Variants in KCNB2 observed in about 807,000 individuals in gnomAD.
KCNB2 encodes the protein delayed rectifier potassium channel protein.
Under a neutral mutation model 61.5 loss-of-function variants are expected in KCNB2, and 15 were observed. That is an observed-to-expected ratio of 0.24 (90% CI 0.16 to 0.38). KCNB2 has a LOEUF of 0.38. KCNB2 is among the 10% of genes least tolerant of loss of function. The pLI, the probability that KCNB2 is intolerant of heterozygous loss-of-function variation, is 1.00. For synonymous variants in KCNB2, 457 were observed against 446.0 expected (o/e 1.02, Z -0.31); for missense variants, 828 against 1,125.2 (o/e 0.74, Z 3.78).
chr8:72,923,436 T>C (rs1431673197), intron 2 of KCNB2, among the ~76,000 whole-genome samples: 1 of 152,206 alleles, frequency 6.6e-6, no homozygotes, highest in Non-Finnish European at 1.5e-5. Flanking sequence ...GTCATGTTGG[T>C]ATCTTACTGC....
chr8:72,905,384 G>A (rs112225659), intron 2 of KCNB2, among the ~76,000 whole-genome samples: 1,656 of 152,202 alleles, frequency 0.011, 24 homozygotes, highest in African/African-American at 0.037. Context: ...GGAACTTAAG[G>A]AAAGACACTT....
chr8:72,552,357 A>G (rs558367152), intron 1 of KCNB2, among the ~76,000 whole-genome samples: 2 of 152,330 alleles, frequency 1.3e-5, no homozygotes, highest in Middle Eastern at 3.4e-3. Context: ...GAAATGTTCT[A>G]TATTGGTGCT....
chr8:72,906,310 C>A (rs1806176045), intron 2 of KCNB2, among the ~76,000 whole-genome samples: 1 of 152,176 alleles, frequency 6.6e-6, no homozygotes, highest in South Asian at 2.1e-4. Context: ...GCCAATGAAT[C>A]TTTTGCTTTT....
rs547051917 is a variant in KCNB2 at position 72,683,129 on chromosome 8, T to C, written c.579+114816T>C. ...TTTATCCTGGCATAATGAAAGAACT[T>C]TCTTATTCTTTCCTATGTAATGTCA... On this transcript the variant is annotated intron_variant, in intron 2 of 2. Transcript: ENST00000523207. 3.3e-5 allele frequency among the ~76,000 whole-genome samples: 5 copies of C among 152,330 alleles called. No individual in the cohort carries two copies. The South Asian group carries it at 1.0e-3, about 32-fold the overall frequency.
intron 2 of KCNB2, among the ~76,000 whole-genome samples, chr8:72,885,137 T>C (rs1010640520): frequency 6.6e-6 from 1 of 152,128 alleles, no homozygotes; most frequent in Non-Finnish European, 1.5e-5. Flanking sequence ...CTTTATAGTA[T>C]ATTCATTAAT....
chr8:72,872,786 A>G (rs560842806), intron 2 of KCNB2, among the ~76,000 whole-genome samples: 1 of 152,318 alleles, frequency 6.6e-6, no homozygotes, highest in South Asian at 2.1e-4. Context: ...TCAAGAAGAA[A>G]AGTAAGTTCT....
intron 2 of KCNB2, among the ~76,000 whole-genome samples, chr8:72,710,847 G>T (rs1807314415): frequency 6.6e-6 from 1 of 152,276 alleles, no homozygotes; most frequent in Admixed American, 6.5e-5. Flanking sequence ...TCCTCAATGG[G>T]AAACAATGGA....
intron 2 of KCNB2, among the ~76,000 whole-genome samples, chr8:72,605,934 GA>G (rs1055755661): frequency 1.3e-5 from 2 of 150,754 alleles, no homozygotes; most frequent in Non-Finnish European, 3.0e-5. Flanking sequence ...CCCAGCAATT[GA>G]AAAAAAAGAC....
intron 2 of KCNB2, among the ~76,000 whole-genome samples, chr8:72,837,017 A>G (rs898867086): frequency 2.0e-5 from 3 of 152,204 alleles, no homozygotes; most frequent in East Asian, 1.9e-4. Context: ...GGGTACCTCC[A>G]CTTAAGGTCT....
At chr8:72,924,043 T>G (rs2129008455) in intron 2 of KCNB2, among the ~76,000 whole-genome samples, 1 of 152,304 alleles carries the variant, frequency 6.6e-6, no homozygotes, top group Middle Eastern at 3.4e-3. Flanking sequence ...GGTCATGCAG[T>G]TAATTCAGTA....
chr8:72,618,056 C>T (rs1805649664), intron 2 of KCNB2, among the ~76,000 whole-genome samples: 1 of 152,142 alleles, frequency 6.6e-6, no homozygotes, highest in African/African-American at 2.4e-5. Flanking sequence ...GGTACCTGCA[C>T]ACACTGCTGT....
At chr8:72,784,918 C>G (rs942927379) in intron 2 of KCNB2, among the ~76,000 whole-genome samples, 1 of 152,156 alleles carries the variant, frequency 6.6e-6, no homozygotes, top group African/African-American at 2.4e-5. Flanking sequence ...GAACCTTAAA[C>G]TTCTGACTAT....
At chr8:72,735,815 A>C (rs1807834577) in intron 2 of KCNB2, among the ~76,000 whole-genome samples, 1 of 152,154 alleles carries the variant, frequency 6.6e-6, no homozygotes, top group African/African-American at 2.4e-5. Flanking sequence ...TGATTTGTTC[A>C]GATCCAACAA....
chr8:72,916,813 C>T (rs1806410549), intron 2 of KCNB2, among the ~76,000 whole-genome samples: 1 of 152,228 alleles, frequency 6.6e-6, no homozygotes, highest in African/African-American at 2.4e-5. Flanking sequence ...CCACACTTCT[C>T]TCTAAAGCTA....
intron 2 of KCNB2, among the ~76,000 whole-genome samples, chr8:72,606,652 A>G (rs915590958): frequency 2.0e-5 from 3 of 152,152 alleles, no homozygotes; most frequent in African/African-American, 4.8e-5. Flanking sequence ...TTGGGCCAGC[A>G]TGTGATTTAC....
intron 2 of KCNB2, among the ~76,000 whole-genome samples, chr8:72,776,558 G>A (rs1432697094): frequency 6.6e-6 from 1 of 152,190 alleles, no homozygotes; most frequent in Non-Finnish European, 1.5e-5. Context: ...CGCTTTCAGT[G>A]TGGGATTTCT....
At chr8:72,765,827 G>A (rs1808453010) in intron 2 of KCNB2, among the ~76,000 whole-genome samples, 1 of 152,140 alleles carries the variant, frequency 6.6e-6, no homozygotes, top group Non-Finnish European at 1.5e-5. Context: ...TCTGGGATGG[G>A]GCCCAAATAT....
At chr8:72,845,479 C>A (rs1809972399) in intron 2 of KCNB2, among the ~76,000 whole-genome samples, 1 of 152,212 alleles carries the variant, frequency 6.6e-6, no homozygotes, top group Non-Finnish European at 1.5e-5. Context: ...CTGGGACATC[C>A]ACTGCTCTCT....
intron 2 of KCNB2, among the ~76,000 whole-genome samples, chr8:72,583,834 T>C (rs1031052819): frequency 4.6e-5 from 7 of 151,958 alleles, no homozygotes; most frequent in African/African-American, 1.4e-4. Flanking sequence ...ATGTCTTTCA[T>C]CTTAAAACTG....
Sources: gnomAD v4.1 joint callset for allele counts (sites outside exome capture counted in the v4.1 genomes callset) on GRCh38, gnomAD v4.1.1 for gene constraint, MANE v1.5 for transcripts, NCBI Gene and HGNC (gene_info 2026-07-23, HGNC 2026-07-21) for gene names.